The following PCDH15 variants were observed in gnomAD, a reference collection of about 807,000 sequenced individuals.
The protein encoded by PCDH15 is protocadherin related 15.
In PCDH15, 129 loss-of-function variants were observed where a neutral mutation model predicts 178.5. That is an observed-to-expected ratio of 0.72 (90% CI 0.63 to 0.84). The LOEUF (loss-of-function observed/expected upper bound fraction) is 0.84. Ranked by LOEUF, PCDH15 falls within the 40% of genes least tolerant of loss-of-function variation. The pLI is 0.00. For synonymous variants in PCDH15, 800 were observed against 732.0 expected (o/e 1.09, Z -1.50); for missense variants, 2,230 against 2,099.9 (o/e 1.06, Z -1.21).
chr10:55,539,791 C>A (rs1328046570), intron 2 of PCDH15, among the ~76,000 whole-genome samples: 1 of 151,960 alleles, frequency 6.6e-6, no homozygotes. Context: ...ATGATAACAT[C>A]AATAACTTGG....
At chr10:55,312,930 T>G (rs1006757436) in intron 1 of PCDH15, among the ~76,000 whole-genome samples, 4 of 152,186 alleles carry the variant, frequency 2.6e-5, no homozygotes, top group Non-Finnish European at 5.9e-5. Context: ...AATAGAGATA[T>G]TTAAAGGTCC....
chr10:54,231,299 A>G (rs2054040659), intron 9 of PCDH15, among the ~76,000 whole-genome samples: 1 of 152,234 alleles, frequency 6.6e-6, no homozygotes, highest in Non-Finnish European at 1.5e-5. Context: ...CAGAGCATGC[A>G]AGCCATAGCC....
At chr10:53,810,806 GT>G in intron 36 of PCDH15, 142 bp from the exon 37 acceptor site, 1 of 749,876 alleles carries the variant, frequency 1.3e-6, no homozygotes, top group Non-Finnish European at 2.3e-6. Context: ...TTGTAAACTA[GT>G]TACAAAACTA....
At chr10:55,533,233 C>T (rs940284653) in intron 2 of PCDH15, among the ~76,000 whole-genome samples, 1 of 152,048 alleles carries the variant, frequency 6.6e-6, no homozygotes, top group African/African-American at 2.4e-5. Flanking sequence ...CCAGAGCAAT[C>T]ACACAAGTGA....
intron 8 of PCDH15, among the ~76,000 whole-genome samples, chr10:54,245,715 G>A (rs2055853963): frequency 6.6e-6 from 1 of 151,478 alleles, no homozygotes; most frequent in South Asian, 2.1e-4. Context: ...TATCTGTGAT[G>A]GAAATAAAAA....
intron 20 of PCDH15, among the ~76,000 whole-genome samples, chr10:54,011,256 C>A (rs10825191): frequency 0.53 from 80,935 of 152,000 alleles, 21,713 homozygotes; most frequent in Middle Eastern, 0.71. Flanking sequence ...GGAGCAAAGA[C>A]CCTGAGTGCT....
chr10:55,129,081 T>C (rs979899722), intron 2 of PCDH15, among the ~76,000 whole-genome samples: 3 of 152,108 alleles, frequency 2.0e-5, no homozygotes, highest in East Asian at 1.9e-4. Context: ...CTTTATAGGA[T>C]AGGATCTCTG....
At chr10:53,940,828 T>A (rs752298768) in intron 24 of PCDH15, 38 bp downstream of exon 24, 1 of 1,413,672 alleles carries the variant, frequency 7.1e-7, no homozygotes, top group South Asian at 1.2e-5. Flanking sequence ...CTAAGTTTAC[T>A]GGTTGATGGT....
intron 2 of PCDH15, among the ~76,000 whole-genome samples, chr10:55,572,626 C>T (rs1241338987): frequency 6.6e-6 from 1 of 151,804 alleles, no homozygotes; most frequent in Admixed American, 6.6e-5. Context: ...CAGAATATGT[C>T]ATGTACGGAT....
chr10:53,956,321 G>A (rs574635565), intron 23 of PCDH15, among the ~76,000 whole-genome samples: 1 of 152,086 alleles, frequency 6.6e-6, no homozygotes, highest in East Asian at 1.9e-4. Context: ...AAAGGATTTA[G>A]GAGGCATCCA....
chr10:54,111,972 C>CAAAAAAAA, intron 15 of PCDH15, among the ~76,000 whole-genome samples: 1 of 97,572 alleles, frequency 1.0e-5, no homozygotes, highest in Non-Finnish European at 2.0e-5. Context: ...ACCAAAAATA[C>CAAAAAAAA]AAAAAAAAAA....
chr10:54,947,943 A>T (rs1838233652), intron 2 of PCDH15, among the ~76,000 whole-genome samples: 1 of 152,004 alleles, frequency 6.6e-6, no homozygotes, highest in Middle Eastern at 3.4e-3. Context: ...TGATCCTTCC[A>T]ATTCTATCTT....
At chr10:55,606,907 T>G (rs1352234267) in intron 2 of PCDH15, among the ~76,000 whole-genome samples, 3 of 146,020 alleles carry the variant, frequency 2.1e-5, no homozygotes, top group Non-Finnish European at 4.6e-5. Context: ...GGGATCTAAT[T>G]AAACTAAAGA....
intron 2 of PCDH15, among the ~76,000 whole-genome samples, chr10:55,451,185 A>T (rs1839427686): frequency 6.6e-6 from 1 of 151,952 alleles, no homozygotes; most frequent in Non-Finnish European, 1.5e-5. Context: ...TGTGTGTCGC[A>T]TTCCCTCTTC....
chr10:53,987,505 ATAAT>A (rs1179463918), intron 21 of PCDH15, among the ~76,000 whole-genome samples: 1 of 151,080 alleles, frequency 6.6e-6, no homozygotes, highest in Non-Finnish European at 1.5e-5. Context: ...CCTAGGAAAT[ATAAT>A]TAAGGCACCA....
At chr10:54,752,251 C>T (rs1366171447) in intron 1 of PCDH15, among the ~76,000 whole-genome samples, 5 of 150,848 alleles carry the variant, frequency 3.3e-5, no homozygotes, top group Non-Finnish European at 7.4e-5. Flanking sequence ...CCGAGGCGGA[C>T]AGATCATGAA....
intron 2 of PCDH15, among the ~76,000 whole-genome samples, chr10:55,477,579 G>T (rs1228440464): frequency 6.6e-6 from 1 of 151,846 alleles, no homozygotes; most frequent in Non-Finnish European, 1.5e-5. Flanking sequence ...TATAAATTTT[G>T]GGTGCATGGT....
At chr10:53,867,831 A>G (rs995919544) in intron 26 of PCDH15, among the ~76,000 whole-genome samples, 2 of 152,176 alleles carry the variant, frequency 1.3e-5, no homozygotes, top group African/African-American at 4.8e-5. Flanking sequence ...AATTAATGCC[A>G]TAACATAATT....
At chr10:55,404,452 G>C (rs1164184815) in intron 2 of PCDH15, among the ~76,000 whole-genome samples, 1 of 151,914 alleles carries the variant, frequency 6.6e-6, no homozygotes, top group African/African-American at 2.4e-5. Flanking sequence ...ATTATAATCT[G>C]ATGAGTATAA....
Sources: gnomAD v4.1 joint callset for allele counts (sites outside exome capture counted in the v4.1 genomes callset) on GRCh38, gnomAD v4.1.1 for gene constraint, MANE v1.5 for transcripts, NCBI Gene and HGNC (gene_info 2026-07-23, HGNC 2026-07-21) for gene names.